MED27: variants seen among roughly 807,000 people sequenced by gnomAD.
MED27 encodes mediator complex subunit 27.
Under a neutral mutation model 38.2 loss-of-function variants are expected in MED27, and 30 were observed. The observed-to-expected ratio is 0.79, with a 90% CI of 0.59 to 1.07. The LOEUF is 1.07. Among genes scored for constraint, MED27 ranks in the 50% least tolerant of loss-of-function variants. The probability of loss-of-function intolerance (pLI) is 0.00; values close to 1 mark genes in which losing one functional copy is unlikely to be tolerated. For missense variants in MED27, 289 were observed against 397.5 expected (o/e 0.73, Z 2.32); for synonymous variants, 122 against 153.5 (o/e 0.79, Z 1.52).
At chr9:131,880,456 T>TACCAGACC (rs1839016879) in intron 6 of MED27, among the ~76,000 whole-genome samples, 1 of 152,226 alleles carries the variant, frequency 6.6e-6, no homozygotes, top group Non-Finnish European at 1.5e-5. Context: ...CCAATTGTGG[T>TACCAGACC]TCTTTAATCT....
At chr9:131,996,560 G>T (rs764647489) in intron 3 of MED27, among the ~76,000 whole-genome samples, 1 of 152,204 alleles carries the variant, frequency 6.6e-6, no homozygotes, top group African/African-American at 2.4e-5. Flanking sequence ...TCAAATGTAC[G>T]TAGTAGAATT....
At chr9:132,050,022 T>C (rs974340576) in intron 2 of MED27, among the ~76,000 whole-genome samples, 5 of 151,832 alleles carry the variant, frequency 3.3e-5, no homozygotes, top group Non-Finnish European at 7.4e-5. Flanking sequence ...AAATATAACA[T>C]GGGATGGGCC....
At chr9:132,006,727 C>A (rs946570401) in intron 3 of MED27, among the ~76,000 whole-genome samples, 1 of 151,938 alleles carries the variant, frequency 6.6e-6, no homozygotes, top group Non-Finnish European at 1.5e-5. Context: ...CAGGAAGCTA[C>A]GAGAAGAGAC....
intron 2 of MED27, among the ~76,000 whole-genome samples, chr9:132,031,075 C>T (rs1480490266): frequency 6.6e-6 from 1 of 152,218 alleles, no homozygotes; most frequent in Admixed American, 6.5e-5. Context: ...TGGGGACACT[C>T]GGTGGCCTGG....
At chr9:132,031,576 G>C (rs1420728420) in intron 2 of MED27, among the ~76,000 whole-genome samples, 1 of 152,114 alleles carries the variant, frequency 6.6e-6, no homozygotes, top group African/African-American at 2.4e-5. Context: ...AGAGGTTGAA[G>C]TGGGAGATCA....
At chr9:132,030,821 A>C (rs1370945119) in intron 2 of MED27, among the ~76,000 whole-genome samples, 1 of 152,234 alleles carries the variant, frequency 6.6e-6, no homozygotes, top group African/African-American at 2.4e-5. Context: ...AAACCACTAA[A>C]ATGACAGCAA....
chr9:132,044,530 C>T (rs755910639), intron 2 of MED27, among the ~76,000 whole-genome samples: 2 of 152,196 alleles, frequency 1.3e-5, no homozygotes, highest in Admixed American at 6.5e-5. Context: ...AAGACGAGGC[C>T]GACTTCACCT....
chr9:132,073,865 G>A (rs757431005), intron 2 of MED27: 73 of 1,271,728 alleles, frequency 5.7e-5, no homozygotes, highest in Non-Finnish European at 7.1e-5. Context: ...TTCAGATGTT[G>A]CCAGGGAAAG....
rs923819331 is a variant in MED27 at position 132,050,069 on chromosome 9, C to T, written c.348+27373G>A. Among the ~76,000 whole-genome samples, 5 of 152,144 alleles carry T rather than the reference C, an allele frequency of 3.3e-5. No homozygotes were observed. In the South Asian group the frequency reaches 6.2e-4, roughly 19 times the overall value. On this transcript the variant is annotated intron_variant, in intron 2 of 7. Transcript: ENST00000292035. ...ATTACCAACTCAACAAATATCAGGG[C>T]GTTGCTCATGATGTAATCCGAACAA...
At chr9:131,967,120 G>C (rs1393900113) in intron 3 of MED27, among the ~76,000 whole-genome samples, 2 of 152,216 alleles carry the variant, frequency 1.3e-5, no homozygotes, top group Non-Finnish European at 2.9e-5. Flanking sequence ...TGTTCTATCA[G>C]TAATTGAATA....
intron 3 of MED27, among the ~76,000 whole-genome samples, chr9:132,009,154 C>A (rs886980454): frequency 7.2e-5 from 11 of 152,202 alleles, no homozygotes; most frequent in African/African-American, 2.7e-4. Flanking sequence ...AAGATTATAT[C>A]TTATTCATCT....
chr9:131,939,900 CTTTTTTTT>C (rs545565196), intron 3 of MED27, among the ~76,000 whole-genome samples: 1 of 136,172 alleles, frequency 7.3e-6, no homozygotes, highest in Non-Finnish European at 1.6e-5. Context: ...AAATTCCTTC[CTTTTTTTT>C]TTTTTTTTTT....
chr9:132,042,204 T>A (rs1450249618), intron 2 of MED27, among the ~76,000 whole-genome samples: 1 of 152,100 alleles, frequency 6.6e-6, no homozygotes. Context: ...GGCTTAAGGA[T>A]GACAAAGATG....
At chr9:131,983,986 C>A (rs926823138) in intron 3 of MED27, among the ~76,000 whole-genome samples, 1 of 152,152 alleles carries the variant, frequency 6.6e-6, no homozygotes, top group African/African-American at 2.4e-5. Flanking sequence ...TCTGACCTCT[C>A]GTCTCAAGAG....
At chr9:132,009,148 T>C (rs1170721973) in intron 3 of MED27, among the ~76,000 whole-genome samples, 2 of 152,168 alleles carry the variant, frequency 1.3e-5, no homozygotes, top group Admixed American at 6.5e-5. Context: ...AAAACCAAGA[T>C]TATATCTTAT....
chr9:132,025,186 T>C (rs897582670), intron 2 of MED27, among the ~76,000 whole-genome samples: 1 of 151,830 alleles, frequency 6.6e-6, no homozygotes, highest in Non-Finnish European at 1.5e-5. Flanking sequence ...GAGTGAATTT[T>C]TTTTTTTTTT....
intron 4 of MED27, among the ~76,000 whole-genome samples, chr9:131,904,538 T>TA (rs141721664): frequency 2.1e-5 from 3 of 144,682 alleles, no homozygotes; most frequent in African/African-American, 8.3e-5. Context: ...TAAATAGAGA[T>TA]CGGGGGGGAG....
At chr9:131,901,915 A>C (rs1321047536) in intron 4 of MED27, among the ~76,000 whole-genome samples, 1 of 152,160 alleles carries the variant, frequency 6.6e-6, no homozygotes, top group Non-Finnish European at 1.5e-5. Context: ...GAAGTTTTGA[A>C]AGATTTGAGT....
intron 3 of MED27, among the ~76,000 whole-genome samples, chr9:132,013,042 G>C (rs1564324583): frequency 6.6e-6 from 1 of 152,196 alleles, no homozygotes; most frequent in South Asian, 2.1e-4. Flanking sequence ...GGGTGAGCAG[G>C]ACAGGCGAAG....
Sources: gnomAD v4.1 joint callset for allele counts (sites outside exome capture counted in the v4.1 genomes callset) on GRCh38, gnomAD v4.1.1 for gene constraint, MANE v1.5 for transcripts, NCBI Gene and HGNC (gene_info 2026-07-23, HGNC 2026-07-21) for gene names.